The following SERPINI2 variants were observed in gnomAD, a reference collection of about 807,000 sequenced individuals.
The protein encoded by SERPINI2 is serpin I2.
SERPINI2 carries 48 observed loss-of-function variants against 47.3 expected under a neutral mutation model. The observed-to-expected ratio is 1.02, with a 90% CI of 0.81 to 1.29. The LOEUF (loss-of-function observed/expected upper bound fraction) is 1.29. Among genes scored for constraint, SERPINI2 ranks in the 50% most tolerant of loss-of-function variants. The pLI, the probability that SERPINI2 is intolerant of heterozygous loss-of-function variation, is 0.00. For synonymous variants in SERPINI2, 135 were observed against 149.3 expected (o/e 0.90, Z 0.70); for missense variants, 448 against 456.9 (o/e 0.98, Z 0.18).
chr3:167,442,289 C>A (rs1395974462), intron 8 of SERPINI2, 104 bp from the exon 9 acceptor site: 8 of 783,492 alleles, frequency 1.0e-5, no homozygotes, highest in Non-Finnish European at 1.5e-5. Flanking sequence ...GGTCTTTTTT[C>A]TCTGTAAGAT....
rs189254414 is a variant in SERPINI2 at position 167,450,496 on chromosome 3, G to A, written c.965-1094C>T. On this transcript the variant is annotated intron_variant, in intron 6 of 8. Coordinates refer to ENST00000264677, the Ensembl canonical transcript of SERPINI2. ...GTTCCTCAGAGGACAAAGGAAGCAT[G>A]CTCTAGAAAACTGCCTGGCTCATAA... Among the ~76,000 whole-genome samples the A allele has an allele frequency of 3.9e-5, 6 of 152,300 alleles. No homozygotes were observed. The East Asian group carries it at 7.7e-4, about 20-fold the overall frequency.
At position 167,465,213 on chromosome 3, in the gene SERPINI2, G is replaced by A. The variant is rs764589081; in HGVS notation, c.859C>T (p.Leu287Phe). ...TAAAATAACATCACCAACCTAGGGA[G>A]GCTTATTTCTACTTCCTCTTCTTGC... is the stretch of plus-strand genomic sequence containing the variant. The change falls in exon 5 of 9, where the codon CTC becomes TTC. Residue 287 changes from leucine to phenylalanine, a missense_variant. Physicochemically the swap from Leu to Phe is conservative, Grantham distance 22. Transcript: ENST00000264677. 15 of 1,608,080 alleles carry A rather than the reference G, an allele frequency of 9.3e-6. No homozygotes were observed. In the East Asian group the frequency reaches 3.1e-4, roughly 34 times the overall value.
At chr3:167,476,780 G>A (rs184179128), upstream of SERPINI2, among the ~76,000 whole-genome samples, 1 of 152,100 alleles carries the variant, frequency 6.6e-6, no homozygotes, top group Non-Finnish European at 1.5e-5. Flanking sequence ...CTATTTATAT[G>A]TGAATACCCG....
chr3:167,452,599 A>G lies in SERPINI2; in HGVS notation c.964+337T>C, dbSNP rs986845961. Among the ~76,000 whole-genome samples, 15 of 151,660 alleles carry G rather than the reference A, an allele frequency of 9.9e-5. 1 individual carries two copies. The highest frequency in any genetic ancestry group is 2.4e-4 in the African/African-American group (10 of 41,340). ...TATAAGAGTTGTATTAGCTCTGCTT[A>G]GATGAGAGACTCAAAGTTGTAATTC... On this transcript the variant is annotated intron_variant, in intron 6 of 8. Transcript: ENST00000264677.
chr3:167,475,245 A>G (rs1750451955), upstream of SERPINI2, among the ~76,000 whole-genome samples: 1 of 151,812 alleles, frequency 6.6e-6, no homozygotes, highest in Non-Finnish European at 1.5e-5. Context: ...GTTGTGCAAT[A>G]CAAGAATACT....
upstream of SERPINI2, among the ~76,000 whole-genome samples, chr3:167,475,589 A>G (rs1750458543): frequency 6.6e-6 from 1 of 151,758 alleles, no homozygotes; most frequent in Admixed American, 6.6e-5. Context: ...ATAGCCATAA[A>G]TTTATTCTCC....
intron 6 of SERPINI2, 53 bp downstream of exon 6, chr3:167,452,883 A>G: frequency 9.2e-7 from 1 of 1,089,124 alleles, no homozygotes; most frequent in Non-Finnish European, 1.4e-6. Context: ...TAGTTAATGT[A>G]GTCCTAACAA....
At chr3:167,456,696 A>G (rs1300348930) in intron 5 of SERPINI2, among the ~76,000 whole-genome samples, 1 of 152,142 alleles carries the variant, frequency 6.6e-6, no homozygotes, top group Non-Finnish European at 1.5e-5. Flanking sequence ...GACCATAGGC[A>G]AGGTATTTAC....
intron 1 of SERPINI2, 115 bp downstream of exon 1, chr3:167,473,888 A>T: frequency 8.4e-7 from 1 of 1,188,788 alleles, no homozygotes; most frequent in Non-Finnish European, 1.1e-6. Flanking sequence ...AATAAATTCA[A>T]ATGATTTTTA....
rs1033763155 is a variant in SERPINI2, at chr3:167,446,563, A to T, written c.1052-82T>A. Reference sequence around the variant, plus strand: ...AGTATATTCATAATACATTTTGTAGACAGGAAAAGTCATTTTGTGTAAGGA... The same window carrying T: ...AGTATATTCATAATACATTTTGTAGTCAGGAAAAGTCATTTTGTGTAAGGA... On this transcript the variant is annotated intron_variant, in intron 7 of 8. Transcript: ENST00000264677. 4 of 901,564 alleles carry T rather than the reference A, an allele frequency of 4.4e-6. No individual in the cohort carries two copies. The African/African-American group carries it at 6.7e-5, about 15-fold the overall frequency. The allele number at this position is 901,564 out of a possible 1,614,324, so 55.8% of individuals were successfully genotyped here. A position where few individuals can be genotyped will look rare whatever the true frequency, so the allele number is the denominator to read the frequency against.
At position 167,465,222 on chromosome 3, in the gene SERPINI2, C is replaced by A. The variant is rs566650374; in HGVS notation, c.850G>T (p.Glu284Ter). The change falls in exon 5 of 9, where the codon GAA becomes TAA. Residue 284 changes from glutamate to a stop codon, truncating the protein, a stop_gained. Coordinates refer to ENST00000264677, the Ensembl canonical transcript of SERPINI2. LOFTEE classifies it high-confidence loss of function. ...ATCACCAACCTAGGGAGGCTTATTT[C>A]TACTTCCTCTTCTTGCATCTCAGAG... is the stretch of plus-strand genomic sequence containing the variant. The A allele has an allele frequency of 1.1e-5, 17 of 1,609,360 alleles. No homozygotes were observed. The highest frequency in any genetic ancestry group is 1.7e-4 in the Middle Eastern group (1 of 5,966).
At chr3:167,457,736 G>T (rs1749840493) in intron 5 of SERPINI2, among the ~76,000 whole-genome samples, 1 of 152,202 alleles carries the variant, frequency 6.6e-6, no homozygotes, top group Admixed American at 6.5e-5. Flanking sequence ...GGTCAGAGGG[G>T]AAGATAAACA....
intron 5 of SERPINI2, among the ~76,000 whole-genome samples, chr3:167,463,346 T>C (rs1309403601): frequency 6.6e-6 from 1 of 152,032 alleles, no homozygotes; most frequent in East Asian, 1.9e-4. Context: ...GATATTCAAA[T>C]GGCTGGGAAA....
At chr3:167,466,713 C>T (rs1269167543) in intron 3 of SERPINI2, among the ~76,000 whole-genome samples, 4 of 152,070 alleles carry the variant, frequency 2.6e-5, no homozygotes, top group Non-Finnish European at 5.9e-5. Flanking sequence ...TTGGGATTGA[C>T]AGATTTAACT....
At chr3:167,444,217 A>G (rs1235571207) in intron 8 of SERPINI2, among the ~76,000 whole-genome samples, 3 of 152,174 alleles carry the variant, frequency 2.0e-5, no homozygotes, top group African/African-American at 4.8e-5. Flanking sequence ...TATCCTTCAC[A>G]ATTTTCTTCT....
chr3:167,452,938 G>C, exon 6 of SERPINI2: 1 of 1,570,838 alleles, frequency 6.4e-7, no homozygotes. Context: ...CATACTACCT[G>C]TTATTCCAGA....
chr3:167,453,133 T>C, intron 5 of SERPINI2, 100 bp from the exon 6 acceptor site: 1 of 569,150 alleles, frequency 1.8e-6, no homozygotes, highest in Non-Finnish European at 3.0e-6. Context: ...TATTGTAAAA[T>C]CTTTTGTTTT....
intron 8 of SERPINI2, among the ~76,000 whole-genome samples, chr3:167,445,028 G>A (rs1348004132): frequency 6.6e-6 from 1 of 152,046 alleles, no homozygotes; most frequent in Non-Finnish European, 1.5e-5. Context: ...CTAAAGGTTA[G>A]ACAGACACAT....
intron 7 of SERPINI2, among the ~76,000 whole-genome samples, chr3:167,448,623 C>T (rs977740817): frequency 4.6e-5 from 7 of 152,014 alleles, no homozygotes; most frequent in African/African-American, 1.2e-4. Flanking sequence ...CCTGGGTTCA[C>T]GCCATTCTCC....
Sources: allele counts gnomAD v4.1 joint callset (sites outside exome capture counted in the v4.1 genomes callset), GRCh38; gene constraint gnomAD v4.1.1; transcripts MANE v1.5; gene names NCBI Gene and HGNC (gene_info 2026-07-23, HGNC 2026-07-21).